Variants in TMEM117 observed in about 807,000 individuals in gnomAD.
TMEM117 encodes the protein transmembrane protein 117.
TMEM117 carries 27 observed loss-of-function variants against 52.4 expected under a neutral mutation model. The ratio of observed to expected loss-of-function variants is 0.51; its 90% CI spans 0.38 to 0.71. The LOEUF (loss-of-function observed/expected upper bound fraction) is 0.71, where lower values mean the gene tolerates loss of function less well. Among genes scored for constraint, TMEM117 ranks in the 30% least tolerant of loss-of-function variants. The probability of loss-of-function intolerance (pLI) is 0.00; values close to 1 mark genes in which losing one functional copy is unlikely to be tolerated. For synonymous variants in TMEM117, 215 were observed against 206.3 expected, an observed-to-expected ratio of 1.04 and a Z score of -0.36; for missense variants, 556 against 630.5, an observed-to-expected ratio of 0.88 and a Z score of 1.26.
At chr12:44,057,315 G>C (rs1290813405) in intron 3 of TMEM117, among the ~76,000 whole-genome samples, 1 of 152,118 alleles carries the variant, frequency 6.6e-6, no homozygotes, top group Non-Finnish European at 1.5e-5. Flanking sequence ...GATTAAGATA[G>C]CAGCCCTGCC....
At chr12:44,119,723 A>G (rs1948202824) in intron 3 of TMEM117, among the ~76,000 whole-genome samples, 1 of 152,184 alleles carries the variant, frequency 6.6e-6, no homozygotes, top group Non-Finnish European at 1.5e-5. Flanking sequence ...GTGTGTTAGC[A>G]TCACCAGGAG....
intron 4 of TMEM117, among the ~76,000 whole-genome samples, chr12:44,189,239 T>G (rs1371604851): frequency 1.3e-5 from 2 of 152,214 alleles, no homozygotes; most frequent in Non-Finnish European, 2.9e-5. Flanking sequence ...ATCATTGCCA[T>G]CATTCAGAAT....
At position 44,151,871 on chromosome 12, in the gene TMEM117, A is replaced by C. The variant is rs529078929; in HGVS notation, c.510+8247A>C. On this transcript the variant is annotated intron_variant, in intron 4 of 7. Transcript: ENST00000266534. ...TAATATATAATATTATATTTAATAT[A>C]TTATATATTATAATATATATTTAAT... 9.1e-5 allele frequency among the ~76,000 whole-genome samples: 12 copies of C among 131,336 alleles called. No individual in the cohort carries two copies. The South Asian group carries it at 2.5e-3, about 28-fold the overall frequency. 86.2% of individuals were successfully genotyped at this position (131,336 alleles called of 152,430 possible). A position where few individuals can be genotyped will look rare whatever the true frequency, so the allele number is the denominator to read the frequency against.
chr12:44,328,739 T>C (rs1951228644), intron 6 of TMEM117, among the ~76,000 whole-genome samples: 1 of 152,114 alleles, frequency 6.6e-6, no homozygotes, highest in African/African-American at 2.4e-5. Context: ...AAAGATCTTT[T>C]CATTACCAGG....
At chr12:44,071,778 G>A (rs1241066024) in intron 3 of TMEM117, among the ~76,000 whole-genome samples, 3 of 152,064 alleles carry the variant, frequency 2.0e-5, no homozygotes, top group Admixed American at 6.6e-5. Context: ...CCTATAAATG[G>A]CATGTGTTGT....
intron 3 of TMEM117, among the ~76,000 whole-genome samples, chr12:44,015,618 T>C (rs1946362646): frequency 6.6e-6 from 1 of 152,178 alleles, no homozygotes. Flanking sequence ...AAGTCCTCAA[T>C]TACCGACATG....
chr12:44,266,855 T>C (rs1950384249), intron 5 of TMEM117, among the ~76,000 whole-genome samples: 1 of 152,194 alleles, frequency 6.6e-6, no homozygotes. Flanking sequence ...CAACACCATT[T>C]GTTGGAAAGA....
intron 2 of TMEM117, among the ~76,000 whole-genome samples, chr12:43,873,974 C>G (rs1270882532): frequency 6.6e-6 from 1 of 151,760 alleles, no homozygotes. Context: ...TTTGTTGTAG[C>G]TTGCTTTTAA....
At chr12:44,328,326 G>A (rs1019461248) in intron 6 of TMEM117, among the ~76,000 whole-genome samples, 1 of 151,788 alleles carries the variant, frequency 6.6e-6, no homozygotes, top group Non-Finnish European at 1.5e-5. Flanking sequence ...ATAAATGTGC[G>A]CTGACTCAAA....
intron 2 of TMEM117, among the ~76,000 whole-genome samples, chr12:43,913,821 C>A (rs188706198): frequency 2.6e-5 from 4 of 152,062 alleles, no homozygotes; most frequent in Admixed American, 2.6e-4. Context: ...TTCATCATGG[C>A]AGAATATAAG....
At chr12:44,042,945 T>C (rs1437446677) in intron 3 of TMEM117, among the ~76,000 whole-genome samples, 2 of 152,136 alleles carry the variant, frequency 1.3e-5, no homozygotes, top group Non-Finnish European at 2.9e-5. Flanking sequence ...TTAATATGAT[T>C]AGACCCCAAA....
intron 2 of TMEM117, among the ~76,000 whole-genome samples, chr12:43,905,636 G>C (rs1025536281): frequency 2.0e-5 from 3 of 152,174 alleles, no homozygotes; most frequent in African/African-American, 7.2e-5. Flanking sequence ...ATAACCTAAA[G>C]TGTTCAGATT....
intron 2 of TMEM117, among the ~76,000 whole-genome samples, chr12:43,862,337 T>A (rs1208554688): frequency 6.6e-6 from 1 of 152,092 alleles, no homozygotes; most frequent in Non-Finnish European, 1.5e-5. Flanking sequence ...CCCAGCTAAT[T>A]TTTTGCATTT....
intron 5 of TMEM117, among the ~76,000 whole-genome samples, chr12:44,232,670 A>G (rs1353931033): frequency 3.3e-5 from 5 of 151,510 alleles, no homozygotes; most frequent in Admixed American, 2.0e-4. Flanking sequence ...TATTGAGACT[A>G]TAGATCAATT....
the TMEM117 span, among the ~76,000 whole-genome samples, chr12:43,803,731 C>T: frequency 6.6e-6 from 1 of 151,966 alleles, no homozygotes; most frequent in Non-Finnish European, 1.5e-5. Flanking sequence ...TAAACAAATG[C>T]ATATTTTACA....
At chr12:43,816,713 C>A in the TMEM117 span, among the ~76,000 whole-genome samples, 1 of 152,172 alleles carries the variant, frequency 6.6e-6, no homozygotes, top group African/African-American at 2.4e-5. Flanking sequence ...CAGAATCCTC[C>A]AAATTTCTCA....
At chr12:44,135,946 G>T (rs1320010716) in intron 3 of TMEM117, among the ~76,000 whole-genome samples, 1 of 152,086 alleles carries the variant, frequency 6.6e-6, no homozygotes, top group Non-Finnish European at 1.5e-5. Flanking sequence ...TGCAAAACTT[G>T]TAAGTTATTT....
intron 3 of TMEM117, among the ~76,000 whole-genome samples, chr12:44,031,639 T>C (rs748398008): frequency 6.6e-6 from 1 of 152,192 alleles, no homozygotes; most frequent in Non-Finnish European, 1.5e-5. Context: ...TTTTTCAGAG[T>C]TGAGAAAACT....
At chr12:44,081,548 G>A (rs1947481727) in intron 3 of TMEM117, among the ~76,000 whole-genome samples, 1 of 152,088 alleles carries the variant, frequency 6.6e-6, no homozygotes, top group Non-Finnish European at 1.5e-5. Flanking sequence ...AACCTTATTT[G>A]TAGAGAATCA....
Sources: gnomAD v4.1 joint callset for allele counts (sites outside exome capture counted in the v4.1 genomes callset) on GRCh38, gnomAD v4.1.1 for gene constraint, MANE v1.5 for transcripts, NCBI Gene and HGNC (gene_info 2026-07-23, HGNC 2026-07-21) for gene names.